Variants in USP45 observed in about 807,000 individuals in gnomAD.
USP45 encodes ubiquitin carboxyl-terminal hydrolase 45.
Under a neutral mutation model 95.8 loss-of-function variants are expected in USP45, and 89 were observed. The observed-to-expected ratio is 0.93, with a 90% CI of 0.78 to 1.11. The LOEUF is 1.11. Ranked by LOEUF, USP45 falls within the 50% of genes least tolerant of loss-of-function variation. The pLI, the probability that USP45 is intolerant of heterozygous loss-of-function variation, is 0.00. For missense variants in USP45, 898 were observed against 942.5 expected (o/e 0.95, Z 0.62); for synonymous variants, 281 against 316.2 (o/e 0.89, Z 1.18).
At chr6:99,449,819 T>C (rs978497965) in intron 13 of USP45, among the ~76,000 whole-genome samples, 14 of 152,150 alleles carry the variant, frequency 9.2e-5, no homozygotes, top group Non-Finnish European at 1.3e-4. Context: ...ACAGAAATTA[T>C]AACAAATTGT....
intron 7 of USP45, among the ~76,000 whole-genome samples, chr6:99,487,633 CAAAAAAAAAAA>C (rs11335830): frequency 9.4e-6 from 1 of 106,390 alleles, no homozygotes; most frequent in African/African-American, 3.6e-5. Context: ...ACTAAAAATA[CAAAAAAAAAAA>C]AAAAAAAAAA....
intron 7 of USP45, among the ~76,000 whole-genome samples, chr6:99,486,939 G>A (rs138471769): frequency 1.3e-3 from 200 of 152,168 alleles, no homozygotes; most frequent in African/African-American, 4.5e-3. Context: ...CACACCTATC[G>A]TTGAACTAGG....
At position 99,446,194 on chromosome 6, in the gene USP45, G is replaced by T. The variant is rs142513593; in HGVS notation, c.1578C>A (p.Ser526=). 1.2e-6 allele frequency: 2 copies of T among 1,613,972 alleles called. No homozygotes were observed. Among genetic ancestry groups the T allele is most frequent in the Admixed American group, 1.7e-5 (1 of 59,978 alleles). Residue 526 remains serine, a synonymous_variant, in exon 14 of 18, where the codon TCC becomes TCA. Transcript: ENST00000500704. The stretch of plus-strand genomic sequence containing the variant: ...AAAGGGGTCCATCTGGCTGCACACC[G>T]GATCCACTACTGGATCTGAACAGCC... ...QTGLFRSSSG[S]GVQPDGPLYP...
intron 5 of USP45, chr6:99,501,957 GTGGGCCCC>G (rs1797462066): frequency 7.7e-7 from 1 of 1,302,492 alleles, no homozygotes; most frequent in Non-Finnish European, 1.0e-6. Flanking sequence ...CTGACTCACT[GTGGGCCCC>G]TAGACAGTTT....
In USP45 at chr6:99,437,566, C is replaced by T. The variant is rs573696762; in HGVS notation, c.2161-167G>A. Among the ~76,000 whole-genome samples the T allele has an allele frequency of 7.0e-4, 106 of 152,320 alleles. 1 individual carries two copies. The highest frequency in any genetic ancestry group is 2.3e-3 in the African/African-American group (97 of 41,568). On this transcript the variant is annotated intron_variant, in intron 16 of 17. Transcript: ENST00000500704. Reference sequence around the variant, plus strand: ...AATGGAAAAACCTTAACAAGGTTCTCTGTTGGCTGATTTGTGGGGAAAAGA... The same window carrying T: ...AATGGAAAAACCTTAACAAGGTTCTTTGTTGGCTGATTTGTGGGGAAAAGA...
chr6:99,466,592 G>A, intron 11 of USP45, 80 bp downstream of exon 11: 1 of 1,209,540 alleles, frequency 8.3e-7, no homozygotes, highest in South Asian at 1.3e-5. Flanking sequence ...GACTGCCAAT[G>A]ATTATATGTG....
At chr6:99,478,868 C>T (rs1791564711) in intron 8 of USP45, among the ~76,000 whole-genome samples, 1 of 152,090 alleles carries the variant, frequency 6.6e-6, no homozygotes, top group Admixed American at 6.6e-5. Context: ...ATAACAGAAA[C>T]TTCAAGAGAC....
At chr6:99,489,173 T>TCTTA (rs1794639261) in intron 5 of USP45, among the ~76,000 whole-genome samples, 1 of 152,188 alleles carries the variant, frequency 6.6e-6, no homozygotes, top group Non-Finnish European at 1.5e-5. Context: ...AAAGGCTGAT[T>TCTTA]CTTAACCCAG....
intron 8 of USP45, among the ~76,000 whole-genome samples, chr6:99,477,954 T>C (rs1007781581): frequency 1.3e-5 from 2 of 152,186 alleles, no homozygotes; most frequent in South Asian, 4.1e-4. Flanking sequence ...CCTATACTTA[T>C]GCTGTATACT....
chr6:99,462,438 G>GA (rs1338194922), intron 13 of USP45: 56 of 982,924 alleles, frequency 5.7e-5, no homozygotes, highest in Non-Finnish European at 6.6e-5. Flanking sequence ...TAAAAATAAA[G>GA]AAAAAAAATC....
intron 13 of USP45, among the ~76,000 whole-genome samples, chr6:99,459,764 C>T (rs902395597): frequency 2.6e-5 from 4 of 152,134 alleles, no homozygotes; most frequent in African/African-American, 9.7e-5. Context: ...CTGTTGGCTG[C>T]ATGTATCAGA....
intron 11 of USP45, among the ~76,000 whole-genome samples, chr6:99,465,465 A>G (rs1454759858): frequency 6.6e-6 from 1 of 152,212 alleles, no homozygotes; most frequent in Non-Finnish European, 1.5e-5. Context: ...GGGCTGTAAC[A>G]TAAGTAAACT....
At chr6:99,439,985 C>T (rs1781227347) in intron 15 of USP45, 130 bp from the exon 16 acceptor site, 1 of 504,990 alleles carries the variant, frequency 2.0e-6, no homozygotes, top group Admixed American at 4.0e-5. Flanking sequence ...AATGTATAGT[C>T]TAAAATTAAT....
At chr6:99,449,403 A>G (rs1435311837) in intron 13 of USP45, among the ~76,000 whole-genome samples, 1 of 152,236 alleles carries the variant, frequency 6.6e-6, no homozygotes, top group Non-Finnish European at 1.5e-5. Context: ...TAAAACAACA[A>G]AGATCAAAAG....
At chr6:99,445,469 TG>T (rs1383505968) in intron 14 of USP45, among the ~76,000 whole-genome samples, 3 of 147,690 alleles carry the variant, frequency 2.0e-5, no homozygotes, top group African/African-American at 7.5e-5. Flanking sequence ...GGCAACAGAG[TG>T]AGACTCCATC....
Position 99,439,855 on chromosome 6 carries a change from C to T in USP45, c.2074G>A (p.Ala692Thr). The T allele has an allele frequency of 6.3e-7, 1 of 1,597,348 alleles. No individual in the cohort carries two copies. Among genetic ancestry groups the T allele is most frequent in the Non-Finnish European group, 8.5e-7 (1 of 1,172,866 alleles). Residue 692 changes from alanine to threonine, a missense_variant and splice_region_variant, in exon 16 of 18, where the codon GCT becomes ACT. Ala to Thr is a moderately conservative substitution (Grantham distance 58, BLOSUM62 0). Coordinates refer to ENST00000500704, the MANE Select transcript of USP45 (RefSeq NM_001346022.3). Reference sequence around the variant, plus strand: ...TTTACTTTACGAAGACTCAAGCCAGCCTTAAAAAGACCAAAACATTTTTGA... The same window carrying T: ...TTTACTTTACGAAGACTCAAGCCAGTCTTAAAAAGACCAAAACATTTTTGA... ...LILHLKRFHQ[A>T]GLSLRKVNRH...
intron 5 of USP45, chr6:99,501,628 A>G (rs1057225215): frequency 1.9e-5 from 3 of 155,308 alleles, no homozygotes; most frequent in East Asian, 3.8e-4. Flanking sequence ...AGATAAAACT[A>G]TTTTTGTTTT....
intron 6 of USP45, 143 bp downstream of exon 6, chr6:99,488,538 G>T: frequency 1.1e-6 from 1 of 895,728 alleles, no homozygotes; most frequent in Non-Finnish European, 1.7e-6. Context: ...TATGGTGATG[G>T]CCCAAGATAG....
chr6:99,500,059 T>C (rs1797066870), intron 5 of USP45, among the ~76,000 whole-genome samples: 1 of 152,252 alleles, frequency 6.6e-6, no homozygotes, highest in African/African-American at 2.4e-5. Flanking sequence ...GATTACTGCC[T>C]GGGGTCACAC....
Sources: allele counts gnomAD v4.1 joint callset (sites outside exome capture counted in the v4.1 genomes callset), GRCh38; gene constraint gnomAD v4.1.1; transcripts MANE v1.5; gene names NCBI Gene and HGNC (gene_info 2026-07-23, HGNC 2026-07-21).